Variants in FAM32A observed in about 807,000 individuals in gnomAD.
FAM32A encodes family with sequence similarity 32 member A.
In FAM32A, 9 loss-of-function variants were observed where a neutral mutation model predicts 15.8. The observed-to-expected ratio is 0.57, with a 90% CI of 0.34 to 1.00. The LOEUF (loss-of-function observed/expected upper bound fraction) is 1.00, where lower values mean the gene tolerates loss of function less well. FAM32A is among the 50% of genes least tolerant of loss of function. The pLI, the probability that FAM32A is intolerant of heterozygous loss-of-function variation, is 0.02. For missense variants in FAM32A, 113 were observed against 138.3 expected (o/e 0.82, Z 0.92); for synonymous variants, 64 against 54.9 (o/e 1.16, Z -0.73).
At chr19:16,185,601 C>T in intron 1 of FAM32A, 23 bp from the exon 2 acceptor site, 1 of 1,597,580 alleles carries the variant, frequency 6.3e-7, no homozygotes, top group Admixed American at 1.7e-5. Context: ...TCCGACCCGC[C>T]GCCTCCTCAT....
At chr19:16,187,736 C>A (rs1417106679) in intron 2 of FAM32A, among the ~76,000 whole-genome samples, 2 of 151,842 alleles carry the variant, frequency 1.3e-5, no homozygotes, top group Non-Finnish European at 2.9e-5. Context: ...CAGGCGTGAG[C>A]CACCACGCCC....
intron 2 of FAM32A, among the ~76,000 whole-genome samples, chr19:16,190,236 C>T (rs2091400680): frequency 6.6e-6 from 1 of 152,178 alleles, no homozygotes; most frequent in South Asian, 2.1e-4. Flanking sequence ...ACAGCCTCCT[C>T]AGGATGCAGG....
intron 2 of FAM32A, 62 bp from the exon 3 acceptor site, chr19:16,190,458 C>G: frequency 8.1e-7 from 1 of 1,230,544 alleles, no homozygotes. Flanking sequence ...CATCTTCCAC[C>G]CCATGCCAGC....
intron 3 of FAM32A, 144 bp downstream of exon 3, chr19:16,190,717 T>G: frequency 1.2e-6 from 1 of 860,872 alleles, no homozygotes; most frequent in Middle Eastern, 2.2e-4. Context: ...CCAGGGTTAT[T>G]CAAAGGGGAG....
intron 2 of FAM32A, among the ~76,000 whole-genome samples, chr19:16,190,012 T>C (rs1015061623): frequency 6.6e-6 from 1 of 152,052 alleles, no homozygotes; most frequent in Non-Finnish European, 1.5e-5. Flanking sequence ...CCAGGTGTCA[T>C]TGAGTGTTTG....
chr19:16,189,019 CTTTTT>C (rs11340905), intron 2 of FAM32A, among the ~76,000 whole-genome samples: 1 of 83,394 alleles, frequency 1.2e-5, no homozygotes, highest in Non-Finnish European at 2.5e-5. Flanking sequence ...CTCAGTGCTT[CTTTTT>C]TTTTTTTTTT....
rs1568343972 is a variant in FAM32A at position 16,191,263 on chromosome 19, G to A, written c.*308G>A. The A allele has an allele frequency of 8.1e-6, 3 of 369,250 alleles. No homozygotes were observed. Among genetic ancestry groups the A allele is most frequent in the Admixed American group, 3.9e-5 (1 of 25,792 alleles). 22.9% of individuals were successfully genotyped at this position (369,250 alleles called of 1,614,324 possible). ...GTGTCATGTAAAAATGTTTTCACCC[G>A]AGTTGCATGTAACGCTCTGAGGCCA... On this transcript the variant is annotated 3_prime_UTR_variant, in exon 4 of 4. Transcript: ENST00000263384.
At chr19:16,190,290 G>A (rs746008849) in intron 2 of FAM32A, among the ~76,000 whole-genome samples, 118 of 152,144 alleles carry the variant, frequency 7.8e-4, no homozygotes, top group Non-Finnish European at 1.1e-3. Flanking sequence ...ATGGGTACGC[G>A]CTCAGGCATT....
At chr19:16,186,670 T>C (rs530614906) in intron 2 of FAM32A, 1 of 152,334 alleles carries the variant, frequency 6.6e-6, no homozygotes, top group East Asian at 1.9e-4. Context: ...ATGTGTGCAG[T>C]GGAGAACAGA....
chr19:16,185,766 GT>G lies in FAM32A; in HGVS notation c.216+2del. The G allele has an allele frequency of 6.5e-7, 1 of 1,548,864 alleles. No homozygotes were observed. The highest frequency in any genetic ancestry group is 8.7e-7 in the Non-Finnish European group (1 of 1,146,234). On this transcript the variant is annotated splice_donor_variant, in intron 2 of 3. Coordinates refer to ENST00000263384, the MANE Select transcript of FAM32A (RefSeq NM_014077.4). LOFTEE classifies it high-confidence loss of function. ...CTTCGAGAAAATGCAGGAGAAGCGG[GT>G]GAGCAGAAGCAGAAGGCGGCGGGGA...
At chr19:16,188,039 C>A (rs888434606) in intron 2 of FAM32A, among the ~76,000 whole-genome samples, 17 of 152,198 alleles carry the variant, frequency 1.1e-4, no homozygotes, top group Non-Finnish European at 1.5e-5. Flanking sequence ...AACCACCATG[C>A]CTGGCCAAGT....
In FAM32A at chr19:16,190,867, C is replaced by T. The variant is rs147062774; in HGVS notation, c.271-20C>T. 0.011 allele frequency: 17,733 copies of T among 1,610,962 alleles called. 127 individuals carry two copies. Among genetic ancestry groups the T allele is most frequent in the Middle Eastern group, 0.016 (98 of 6,058 alleles). Reference sequence around the variant, plus strand: ...CACTTGGGTCTGCGCTGACACCGGCCTTCTACTCCACCTCCCCAGGACTTC... The same window carrying T: ...CACTTGGGTCTGCGCTGACACCGGCTTTCTACTCCACCTCCCCAGGACTTC... On this transcript the variant is annotated intron_variant, in intron 3 of 3. Coordinates refer to ENST00000263384, the MANE Select transcript of FAM32A (RefSeq NM_014077.4).
At chr19:16,187,020 G>A (rs1392919659) in intron 2 of FAM32A, among the ~76,000 whole-genome samples, 2 of 152,096 alleles carry the variant, frequency 1.3e-5, no homozygotes, top group African/African-American at 4.8e-5. Context: ...TGGGGAAAAT[G>A]GACCTTGGGG....
At chr19:16,188,048 G>A (rs1192476859) in intron 2 of FAM32A, among the ~76,000 whole-genome samples, 1 of 152,198 alleles carries the variant, frequency 6.6e-6, no homozygotes, top group African/African-American at 2.4e-5. Flanking sequence ...GCCTGGCCAA[G>A]TAAATGCATT....
At position 16,191,877 on chromosome 19, in the gene FAM32A, T is replaced by C. The variant is rs1287815025; in HGVS notation, c.*922T>C. On this transcript the variant is annotated 3_prime_UTR_variant, in exon 4 of 4. Transcript: ENST00000263384. ...TCCGTGTTGGAGGGCTGGGATCTTG[T>C]AGGGCCTGTGCGTCCTGGCTGAGGA... The C allele has an allele frequency of 6.6e-6, 1 of 152,272 alleles. No individual in the cohort carries two copies. The allele number at this position is 152,272 out of a possible 1,614,324, so 9.4% of individuals were successfully genotyped here.
chr19:16,186,770 T>C (rs2091387456), intron 2 of FAM32A: 1 of 152,080 alleles, frequency 6.6e-6, no homozygotes, highest in Non-Finnish European at 1.5e-5. Flanking sequence ...GGGGGTAGTC[T>C]CCACCCCCCT....
chr19:16,185,876 C>T, intron 2 of FAM32A, 111 bp downstream of exon 2: 1 of 1,217,578 alleles, frequency 8.2e-7, no homozygotes, highest in Non-Finnish European at 1.1e-6. Flanking sequence ...CAGAGGAGAC[C>T]TTAATTACGG....
chr19:16,190,449 A>T, intron 2 of FAM32A, 71 bp from the exon 3 acceptor site: 1 of 1,119,416 alleles, frequency 8.9e-7, no homozygotes, highest in Non-Finnish European at 1.3e-6. Context: ...GCCAGGCTCC[A>T]TCTTCCACCC....
intron 2 of FAM32A, among the ~76,000 whole-genome samples, chr19:16,186,077 G>C (rs1338264921): frequency 2.0e-5 from 3 of 152,218 alleles, no homozygotes; most frequent in Admixed American, 2.0e-4. Context: ...CACTAGGCCA[G>C]TGACTTTCTT....
Sources: allele counts gnomAD v4.1 joint callset (sites outside exome capture counted in the v4.1 genomes callset), GRCh38; gene constraint gnomAD v4.1.1; transcripts MANE v1.5; gene names NCBI Gene and HGNC (gene_info 2026-07-23, HGNC 2026-07-21).